The following SLC2A13 variants were observed in gnomAD, a reference collection of about 807,000 sequenced individuals.
The protein encoded by SLC2A13 is solute carrier family 2 member 13.
Under a neutral mutation model 64.4 loss-of-function variants are expected in SLC2A13, and 32 were observed. The observed-to-expected ratio is 0.50, with a 90% confidence interval of 0.37 to 0.67. The LOEUF is 0.67. Ranked by LOEUF, SLC2A13 falls within the 30% of genes least tolerant of loss-of-function variation. The pLI is 0.00. For synonymous variants in SLC2A13, 338 were observed against 327.1 expected, an observed-to-expected ratio of 1.03 and a Z score of -0.36; for missense variants, 743 against 829.2, an observed-to-expected ratio of 0.90 and a Z score of 1.28.
At chr12:39,884,714 A>G (rs1241276690) in intron 4 of SLC2A13, among the ~76,000 whole-genome samples, 1 of 152,170 alleles carries the variant, frequency 6.6e-6, no homozygotes, top group East Asian at 1.9e-4. Flanking sequence ...AGTAAAGGTA[A>G]AGAGCTGCTG....
chr12:39,896,533 T>TATGTATGTGTGTATACATGTATAC (rs1944910962), intron 4 of SLC2A13, among the ~76,000 whole-genome samples: 1 of 141,372 alleles, frequency 7.1e-6, no homozygotes, highest in African/African-American at 2.8e-5. Flanking sequence ...TGTATACATG[T>TATGTATGTGTGTATACATGTATAC]ATGTATGTAT....
At chr12:39,956,999 A>G (rs1382671412) in intron 3 of SLC2A13, among the ~76,000 whole-genome samples, 1 of 152,158 alleles carries the variant, frequency 6.6e-6, no homozygotes, top group Non-Finnish European at 1.5e-5. Context: ...ACAATCAAGC[A>G]CAGCAAGATC....
In SLC2A13 at chr12:40,105,720, G is replaced by A. The variant is rs987617264; in HGVS notation, c.89C>T (p.Pro30Leu). The change falls in exon 1 of 10, where the codon CCG (proline) becomes CTG (leucine). Residue 30 changes from proline to leucine, a missense_variant. By Grantham distance (98) the Pro-to-Leu change is moderately conservative. Transcript: ENST00000280871. The surrounding 1 kb of genome is among the most constrained non-coding windows in gnomAD (Gnocchi z 4.2). ...MGERRRKQPE[P>L]DAASAAGECS... Reference sequence around the variant, plus strand: ...CTCCCCGGCCGCGCTCGCCGCGTCCGGCTCCGGCTGCTTCCTGCGCCGCTC... The same window carrying A: ...CTCCCCGGCCGCGCTCGCCGCGTCCAGCTCCGGCTGCTTCCTGCGCCGCTC... 8.1e-6 allele frequency: 12 copies of A among 1,481,028 alleles called. No individual in the cohort carries two copies. The Admixed American group carries it at 1.7e-4, about 21-fold the overall frequency. 91.7% of individuals were successfully genotyped at this position (1,481,028 alleles called of 1,614,324 possible).
At chr12:39,986,400 A>G (rs2136158393) in intron 3 of SLC2A13, among the ~76,000 whole-genome samples, 1 of 152,244 alleles carries the variant, frequency 6.6e-6, no homozygotes, top group East Asian at 1.9e-4. Context: ...CTCTCAATCT[A>G]TGAGGTGCTT....
chr12:40,068,219 T>G (rs2136264310), intron 1 of SLC2A13: 1 of 303,470 alleles, frequency 3.3e-6, no homozygotes, highest in African/African-American at 2.3e-5. Flanking sequence ...CAAGTTTTAC[T>G]AAAGAAAAAT....
chr12:39,862,228 T>C (rs960807605), intron 6 of SLC2A13, among the ~76,000 whole-genome samples: 1 of 152,236 alleles, frequency 6.6e-6, no homozygotes, highest in Non-Finnish European at 1.5e-5. Flanking sequence ...TTTAGGGTTG[T>C]CGATCTCTTG....
chr12:39,956,927 T>C (rs898385812), intron 3 of SLC2A13, among the ~76,000 whole-genome samples: 1 of 152,086 alleles, frequency 6.6e-6, no homozygotes, highest in African/African-American at 2.4e-5. Flanking sequence ...AGCAAGATAA[T>C]CACTGCTCAG....
intron 4 of SLC2A13, among the ~76,000 whole-genome samples, chr12:39,936,693 T>A (rs1592298383): frequency 6.6e-6 from 1 of 152,052 alleles, no homozygotes; most frequent in Admixed American, 6.6e-5. Context: ...TTACAGCTGA[T>A]TGGATTTGGA....
chr12:39,946,850 T>A (rs1451673745), intron 4 of SLC2A13, among the ~76,000 whole-genome samples: 1 of 152,182 alleles, frequency 6.6e-6, no homozygotes, highest in Non-Finnish European at 1.5e-5. Flanking sequence ...AACGCCCCAT[T>A]TGCGTCCTCC....
chr12:39,826,629 T>A (rs1942683856), intron 7 of SLC2A13, among the ~76,000 whole-genome samples: 1 of 151,410 alleles, frequency 6.6e-6, no homozygotes, highest in South Asian at 2.1e-4. Context: ...AGAAAAATTT[T>A]AAAAACTCAT....
chr12:39,989,526 G>A (rs1196693330), intron 3 of SLC2A13, among the ~76,000 whole-genome samples: 1 of 152,146 alleles, frequency 6.6e-6, no homozygotes, highest in Non-Finnish European at 1.5e-5. Flanking sequence ...GCATGTAACA[G>A]GTATTCATTT....
At chr12:40,085,678 C>G (rs1938567216) in intron 1 of SLC2A13, among the ~76,000 whole-genome samples, 1 of 152,176 alleles carries the variant, frequency 6.6e-6, no homozygotes, top group South Asian at 2.1e-4. Context: ...CAGATCATGA[C>G]AGTACTCCTT....
intron 3 of SLC2A13, among the ~76,000 whole-genome samples, chr12:39,988,498 AAAAGAAAG>A (rs149761128): frequency 6.7e-6 from 1 of 148,250 alleles, no homozygotes; most frequent in East Asian, 2.0e-4. Flanking sequence ...AGGAAGGAGA[AAAAGAAAG>A]AAAGAATGAA....
At chr12:40,001,531 G>T (rs781456532) in intron 3 of SLC2A13, among the ~76,000 whole-genome samples, 1 of 152,086 alleles carries the variant, frequency 6.6e-6, no homozygotes, top group Admixed American at 6.6e-5. Context: ...GGTAGACAAG[G>T]CAGGAAAAGA....
chr12:40,042,446 T>C (rs1948104083), intron 2 of SLC2A13, among the ~76,000 whole-genome samples: 2 of 152,206 alleles, frequency 1.3e-5, no homozygotes, highest in Admixed American at 1.3e-4. Context: ...GTATATTCTC[T>C]TGAAGGAGAT....
intron 4 of SLC2A13, among the ~76,000 whole-genome samples, chr12:39,947,815 T>C (rs1565556320): frequency 6.6e-6 from 1 of 151,800 alleles, no homozygotes; most frequent in Non-Finnish European, 1.5e-5. Flanking sequence ...CGCCCGCCAC[T>C]ATGCCCAGCT....
intron 6 of SLC2A13, 63 bp downstream of exon 6, chr12:39,864,699 T>C (rs1214169383): frequency 6.3e-7 from 1 of 1,590,316 alleles, no homozygotes; most frequent in African/African-American, 1.4e-5. Flanking sequence ...TTTAAAAAAG[T>C]TAAAAGCAAG....
At position 39,826,854 on chromosome 12, in the gene SLC2A13, A is replaced by ATTTTTTTTTTTTTTTTTTTT. The variant is rs63699664; in HGVS notation, c.1445+3248_1445+3249insAAAAAAAAAAAAAAAAAAAA. ...TTTATTTCTTTTAAAGTCTCTTTCA[A>ATTTTTTTTTTTTTTTTTTTT]TTTTTTTTTTTTTTTTTTGCAATGC... is the stretch of plus-strand genomic sequence containing the variant. On this transcript the variant is annotated intron_variant, in intron 7 of 9. Transcript: ENST00000280871. 3.3e-4 allele frequency among the ~76,000 whole-genome samples: 22 copies of ATTTTTTTTTTTTTTTTTTTT among 67,386 alleles called. 1 individual carries two copies. Among genetic ancestry groups the ATTTTTTTTTTTTTTTTTTTT allele is most frequent in the East Asian group, 6.1e-4 (1 of 1,652 alleles). 44.2% of individuals were successfully genotyped at this position (67,386 alleles called of 152,430 possible).
chr12:39,981,786 A>T (rs1353837670), intron 3 of SLC2A13, among the ~76,000 whole-genome samples: 2 of 135,378 alleles, frequency 1.5e-5, no homozygotes, highest in Non-Finnish European at 3.2e-5. Context: ...AAACTATTCC[A>T]ATCAATAGAA....
Sources: allele counts gnomAD v4.1 joint callset (sites outside exome capture counted in the v4.1 genomes callset), GRCh38; gene constraint gnomAD v4.1.1; non-coding constraint Gnocchi (gnomAD v3.1); transcripts MANE v1.5; gene names NCBI Gene and HGNC (gene_info 2026-07-23, HGNC 2026-07-21).